The following SNCAIP variants were observed in gnomAD, a reference collection of about 807,000 sequenced individuals.
The protein encoded by SNCAIP is synphilin-1.
In SNCAIP, 43 loss-of-function variants were observed where a neutral mutation model predicts 86.7. That is an observed-to-expected ratio of 0.50 (90% CI 0.39 to 0.64). SNCAIP has a LOEUF of 0.64. SNCAIP is among the 30% of genes least tolerant of loss of function. The pLI, the probability that SNCAIP is intolerant of heterozygous loss-of-function variation, is 0.00. For missense variants in SNCAIP, 981 were observed against 1,103.1 expected, an observed-to-expected ratio of 0.89 and a Z score of 1.57; for synonymous variants, 417 against 427.2, an observed-to-expected ratio of 0.98 and a Z score of 0.29.
At chr5:122,346,632 A>G (rs185555587) in intron 1 of SNCAIP, among the ~76,000 whole-genome samples, 1 of 152,078 alleles carries the variant, frequency 6.6e-6, no homozygotes, top group African/African-American at 2.4e-5. Context: ...TTTGTAGACT[A>G]ATAGAATTTT....
chr5:122,397,591 G>C (rs1048591507), intron 2 of SNCAIP, among the ~76,000 whole-genome samples: 7 of 152,150 alleles, frequency 4.6e-5, no homozygotes, highest in South Asian at 2.1e-4. Flanking sequence ...AATAGGATTA[G>C]TTATAATAAT....
At chr5:122,323,558 G>C (rs1391808925) in intron 1 of SNCAIP, among the ~76,000 whole-genome samples, 1 of 152,196 alleles carries the variant, frequency 6.6e-6, no homozygotes, top group Non-Finnish European at 1.5e-5. Context: ...ACAGGTGTGT[G>C]CACCTAAGTC....
chr5:122,387,178 C>T (rs532675247), intron 1 of SNCAIP, among the ~76,000 whole-genome samples: 189 of 152,068 alleles, frequency 1.2e-3, no homozygotes, highest in Non-Finnish European at 2.1e-3. Flanking sequence ...TTGTTTTTTG[C>T]GACGGAGTCT....
chr5:122,364,737 CT>C (rs931658637), intron 1 of SNCAIP, among the ~76,000 whole-genome samples: 41 of 151,802 alleles, frequency 2.7e-4, no homozygotes, highest in African/African-American at 8.2e-4. Context: ...TTCTTTATTT[CT>C]TTTTTTTATA....
At position 122,451,569 on chromosome 5, in the gene SNCAIP, G is replaced by T. The variant is rs1338506733; in HGVS notation, c.2722G>T (p.Ala908Ser). ...GAAGACAGATGCCAAGGGAAACCCTGCCAGCTCCGCTAGCAAAGGAAAGAA... is the reference window on the plus strand; with the variant it reads ...GAAGACAGATGCCAAGGGAAACCCTTCCAGCTCCGCTAGCAAAGGAAAGAA... ...GRKTDAKGNP[A>S]SSASKGKNKA... The change falls in exon 10 of 11, where the codon GCC becomes TCC. Residue 908 changes from alanine (A) to serine (S), a missense_variant. Physicochemically the swap from Ala to Ser is moderately conservative, Grantham distance 99. Coordinates refer to ENST00000261368, the MANE Select transcript of SNCAIP (RefSeq NM_005460.4). The T allele has an allele frequency of 6.2e-7, 1 of 1,613,096 alleles. No individual in the cohort carries two copies.
intron 1 of SNCAIP, among the ~76,000 whole-genome samples, chr5:122,317,154 T>A (rs1751920500): frequency 6.6e-6 from 1 of 152,188 alleles, no homozygotes; most frequent in South Asian, 2.1e-4. Context: ...TAAGGTACTC[T>A]TGTCACAGTA....
chr5:122,319,199 T>C (rs1338733569), intron 1 of SNCAIP, among the ~76,000 whole-genome samples: 1 of 151,964 alleles, frequency 6.6e-6, no homozygotes, highest in Non-Finnish European at 1.5e-5. Context: ...GAATAAAACA[T>C]TATAGCTGCC....
chr5:122,351,220 T>C (rs10051871), intron 1 of SNCAIP, among the ~76,000 whole-genome samples: 4,334 of 152,188 alleles, frequency 0.028, 192 homozygotes, highest in African/African-American at 0.099. Context: ...TAGATGTGCT[T>C]ATTTGATTGC....
intron 1 of SNCAIP, among the ~76,000 whole-genome samples, chr5:122,323,571 C>T (rs1429343244): frequency 2.6e-5 from 4 of 152,130 alleles, no homozygotes; most frequent in South Asian, 2.1e-4. Context: ...CCTAAGTCAA[C>T]GTTCAGAGGA....
At chr5:122,325,309 A>C (rs554600099) in intron 1 of SNCAIP, among the ~76,000 whole-genome samples, 23 of 152,188 alleles carry the variant, frequency 1.5e-4, no homozygotes, top group African/African-American at 5.5e-4. Context: ...AAAGATTAAC[A>C]AACAGGTAGG....
intron 1 of SNCAIP, among the ~76,000 whole-genome samples, chr5:122,344,869 A>G (rs1758288976): frequency 6.6e-6 from 1 of 152,236 alleles, no homozygotes; most frequent in African/African-American, 2.4e-5. Context: ...ATTATCCTCA[A>G]TAATTTGAAC....
At chr5:122,454,612 CT>C (rs1784350116) in intron 10 of SNCAIP, 1 of 152,724 alleles carries the variant, frequency 6.5e-6, no homozygotes. Context: ...TTCCTCACCC[CT>C]ATGCCCTTCT....
chr5:122,368,057 G>A (rs977382552), intron 1 of SNCAIP, among the ~76,000 whole-genome samples: 2 of 151,942 alleles, frequency 1.3e-5, no homozygotes, highest in Non-Finnish European at 2.9e-5. Context: ...GGAGTCGTAG[G>A]GCCATCTCTA....
At chr5:122,359,278 A>C (rs1439379822) in intron 1 of SNCAIP, among the ~76,000 whole-genome samples, 2 of 151,898 alleles carry the variant, frequency 1.3e-5, no homozygotes, top group Non-Finnish European at 2.9e-5. Flanking sequence ...ATAATGTCAT[A>C]GTATTTACAT....
intron 1 of SNCAIP, among the ~76,000 whole-genome samples, chr5:122,364,119 C>T (rs1384024205): frequency 6.6e-6 from 1 of 152,144 alleles, no homozygotes; most frequent in Non-Finnish European, 1.5e-5. Flanking sequence ...GGCGTTTGAA[C>T]CAGAGCAACT....
intron 2 of SNCAIP, among the ~76,000 whole-genome samples, chr5:122,398,944 A>G (rs1771203710): frequency 6.6e-6 from 1 of 152,084 alleles, no homozygotes; most frequent in South Asian, 2.1e-4. Context: ...GTAGGCTGGG[A>G]TGTATAGAAT....
intron 3 of SNCAIP, among the ~76,000 whole-genome samples, chr5:122,416,532 C>G (rs1241439495): frequency 6.6e-6 from 1 of 152,188 alleles, no homozygotes; most frequent in Admixed American, 6.5e-5. Flanking sequence ...TGCCCCATCA[C>G]AATTCTCCAA....
intron 6 of SNCAIP, 85 bp downstream of exon 6, chr5:122,432,167 C>T (rs1385384602): frequency 2.6e-5 from 19 of 723,344 alleles, no homozygotes; most frequent in Non-Finnish European, 4.6e-5. Flanking sequence ...AAAATCCAAA[C>T]ATAAGAAATC....
chr5:122,390,219 A>G lies in SNCAIP; in HGVS notation c.-46-870A>G, dbSNP rs558624492. Among the ~76,000 whole-genome samples, 14 of 152,324 alleles carry G rather than the reference A, an allele frequency of 9.2e-5. No homozygotes were observed. In the South Asian group the frequency reaches 2.9e-3, roughly 32 times the overall value. The stretch of plus-strand genomic sequence containing the variant: ...GCAGGAAGCAGAGGCTGATTTTGCT[A>G]TCTGAGAGTTGGCGCTGCAGAAGAT... On this transcript the variant is annotated intron_variant, in intron 1 of 10. Coordinates refer to ENST00000261368, the MANE Select transcript of SNCAIP (RefSeq NM_005460.4).
Sources: allele counts gnomAD v4.1 joint callset (sites outside exome capture counted in the v4.1 genomes callset), GRCh38; gene constraint gnomAD v4.1.1; transcripts MANE v1.5; gene names NCBI Gene and HGNC (gene_info 2026-07-23, HGNC 2026-07-21).